Variants in CCDC25 observed in about 807,000 individuals in gnomAD.
CCDC25 encodes the protein coiled-coil domain-containing protein 25.
A neutral mutation model predicts 35.3 loss-of-function variants in CCDC25; 16 were observed. The ratio of observed to expected loss-of-function variants is 0.45; its 90% confidence interval spans 0.31 to 0.69. CCDC25 has a LOEUF of 0.69. Ranked by LOEUF, CCDC25 falls within the 30% of genes least tolerant of loss-of-function variation. CCDC25 has a pLI of 0.06. For missense variants in CCDC25, 179 were observed against 250.7 expected, an observed-to-expected ratio of 0.71 and a Z score of 1.93; for synonymous variants, 79 against 80.3, an observed-to-expected ratio of 0.98 and a Z score of 0.09.
In CCDC25 at chr8:27,737,668, G is replaced by A. The variant is rs1803281987; in HGVS notation, c.598-1423C>T. Among the ~76,000 whole-genome samples the A allele has an allele frequency of 6.6e-6, 1 of 152,128 alleles. No individual in the cohort carries two copies. The highest frequency in any genetic ancestry group is 2.4e-5 in the African/African-American group (1 of 41,422). Reference sequence around the variant, plus strand: ...GTACAGCCACTATGGAAAACAGCAAGGAGATTTCTTAAAGAACTGAAGTAG... The same window carrying A: ...GTACAGCCACTATGGAAAACAGCAAAGAGATTTCTTAAAGAACTGAAGTAG... On this transcript the variant is annotated intron_variant, in intron 8 of 8. Transcript: ENST00000356537. The surrounding 1 kb of genome is among the most constrained non-coding windows in gnomAD (Gnocchi z 4.6).
At chr8:27,743,979 G>C (rs1393792465) in intron 7 of CCDC25, among the ~76,000 whole-genome samples, 1 of 152,164 alleles carries the variant, frequency 6.6e-6, no homozygotes, top group East Asian at 1.9e-4. Flanking sequence ...GCTTAGAAAG[G>C]GGGACTAATT....
chr8:27,750,261 C>T (rs544576985), intron 5 of CCDC25, among the ~76,000 whole-genome samples: 102 of 152,334 alleles, frequency 6.7e-4, no homozygotes, highest in African/African-American at 2.1e-3. Context: ...TCAGGGGTTA[C>T]GGCAGAACAC....
rs1333382563 is a variant in CCDC25 at position 27,762,423 on chromosome 8, T to C, written c.112A>G (p.Ile38Val). ...DLIKHGWPED[I>V]WFHVDKLSSA... ...AGAACCAAAATTGTTACTTACCAGATATCTTCAGGCCAGCCATGCTTGATC... is the reference window on the plus strand; with the variant it reads ...AGAACCAAAATTGTTACTTACCAGACATCTTCAGGCCAGCCATGCTTGATC... Residue 38 changes from isoleucine to valine, a missense_variant, in exon 3 of 9, where the codon ATC becomes GTC. Coordinates refer to ENST00000356537, the MANE Select transcript of CCDC25 (RefSeq NM_018246.3). 2.5e-6 allele frequency: 4 copies of C among 1,613,364 alleles called. No homozygotes were observed. Among genetic ancestry groups the C allele is most frequent in the Admixed American group, 1.7e-5 (1 of 59,952 alleles).
chr8:27,759,351 C>T (rs766806087), intron 3 of CCDC25, among the ~76,000 whole-genome samples: 31 of 152,010 alleles, frequency 2.0e-4, no homozygotes, highest in Non-Finnish European at 4.0e-4. Flanking sequence ...TCATGCCTGT[C>T]GTGCCAGCAC....
At chr8:27,760,492 T>A (rs1804188091) in intron 3 of CCDC25, among the ~76,000 whole-genome samples, 1 of 152,210 alleles carries the variant, frequency 6.6e-6, no homozygotes, top group Non-Finnish European at 1.5e-5. Context: ...ATAACCATGA[T>A]GTGGCCATTG....
Position 27,740,723 on chromosome 8 carries a change from T to C in CCDC25, c.552-206A>G, listed in dbSNP as rs537106181. On this transcript the variant is annotated intron_variant, in intron 7 of 8. Coordinates refer to ENST00000356537, the MANE Select transcript of CCDC25 (RefSeq NM_018246.3). ...AATAAAAAAGATGTGCACAGCACTTTATAATTTACAAAGTGCTTTCTCCTA... is the reference window on the plus strand; with the variant it reads ...AATAAAAAAGATGTGCACAGCACTTCATAATTTACAAAGTGCTTTCTCCTA... 3.3e-5 allele frequency among the ~76,000 whole-genome samples: 5 copies of C among 152,352 alleles called. No homozygotes were observed. The South Asian group carries it at 6.2e-4, about 19-fold the overall frequency.
chr8:27,759,779 C>CAAAAAAAA (rs77051762), intron 3 of CCDC25, among the ~76,000 whole-genome samples: 3 of 91,276 alleles, frequency 3.3e-5, no homozygotes, highest in Non-Finnish European at 6.1e-5. Flanking sequence ...GACTCTGTCT[C>CAAAAAAAA]AAAAAAAAAA....
chr8:27,758,993 C>T (rs1351785976), intron 3 of CCDC25, among the ~76,000 whole-genome samples: 1 of 152,080 alleles, frequency 6.6e-6, no homozygotes, highest in East Asian at 1.9e-4. Flanking sequence ...AAAAAAAAAT[C>T]CAGCTCTATA....
At chr8:27,764,828 C>G (rs35951849) in intron 2 of CCDC25, among the ~76,000 whole-genome samples, 1 of 151,938 alleles carries the variant, frequency 6.6e-6, no homozygotes, top group Non-Finnish European at 1.5e-5. Context: ...ATTTACTATT[C>G]ATGTTACTTC....
intron 7 of CCDC25, among the ~76,000 whole-genome samples, chr8:27,742,721 G>C (rs1803480714): frequency 1.3e-5 from 2 of 152,124 alleles, no homozygotes; most frequent in African/African-American, 2.4e-5. Context: ...ACAAAAATTA[G>C]CCAGGCGTGG....
chr8:27,756,846 T>C, intron 3 of CCDC25, 76 bp from the exon 4 acceptor site: 1 of 1,062,198 alleles, frequency 9.4e-7, no homozygotes, highest in Non-Finnish European at 1.5e-6. Flanking sequence ...ATTTAAAGCA[T>C]TCTGTTCTAA....
intron 4 of CCDC25, chr8:27,754,789 T>C (rs72500170): frequency 6.6e-6 from 1 of 152,270 alleles, no homozygotes; most frequent in African/African-American, 2.4e-5. Flanking sequence ...ATGTTTTGAT[T>C]GGAAATGGTT....
chr8:27,759,226 C>T (rs1261774044), intron 3 of CCDC25, among the ~76,000 whole-genome samples: 4 of 152,286 alleles, frequency 2.6e-5, no homozygotes, highest in Admixed American at 1.3e-4. Context: ...GGCTGTCCAA[C>T]GACTTAAAGC....
intron 3 of CCDC25, 64 bp from the exon 4 acceptor site, chr8:27,756,834 C>A (rs1007876808): frequency 9.0e-6 from 10 of 1,105,976 alleles, no homozygotes; most frequent in African/African-American, 3.1e-5. Flanking sequence ...AGGCCACATG[C>A]CATTTAAAGC....
chr8:27,771,953 T>C (rs1178691515), intron 1 of CCDC25: 2 of 152,852 alleles, frequency 1.3e-5, no homozygotes, highest in African/African-American at 2.4e-5. Context: ...AGCATTACCA[T>C]AGGTCACTTC....
chr8:27,758,603 T>A (rs943333124), intron 3 of CCDC25, among the ~76,000 whole-genome samples: 3 of 152,200 alleles, frequency 2.0e-5, no homozygotes, highest in African/African-American at 4.8e-5. Flanking sequence ...AAATTACATA[T>A]CTCATTATCC....
intron 3 of CCDC25, among the ~76,000 whole-genome samples, chr8:27,758,981 GA>G (rs572377846): frequency 4.7e-5 from 7 of 149,110 alleles, no homozygotes; most frequent in Admixed American, 1.3e-4. Flanking sequence ...AAGTATAAGA[GA>G]AAAAAAAAAT....
rs1214192856 is a variant in CCDC25 at position 27,748,589 on chromosome 8, A to T, written c.254T>A (p.Met85Lys). The T allele has an allele frequency of 1.9e-6, 3 of 1,613,142 alleles. No homozygotes were observed. Among genetic ancestry groups the T allele is most frequent in the East Asian group, 4.5e-5 (2 of 44,884 alleles). ...VKANSIQGCK[M>K]NNVNVVYTPW... Reference sequence around the variant, plus strand: ...CGTATATACCACATTAACGTTGTTCATCTTGCAGCCTGCCAAGAGAGACTG... The same window carrying T: ...CGTATATACCACATTAACGTTGTTCTTCTTGCAGCCTGCCAAGAGAGACTG... The change falls in exon 6 of 9, where the codon ATG becomes AAG. Residue 85 changes from methionine to lysine, a missense_variant. Physicochemically the swap from Met to Lys is moderately conservative, Grantham distance 95 (BLOSUM62 -1). Coordinates refer to ENST00000356537, the MANE Select transcript of CCDC25 (RefSeq NM_018246.3).
At chr8:27,769,926 G>A (rs1012520462) in intron 1 of CCDC25, among the ~76,000 whole-genome samples, 1 of 152,224 alleles carries the variant, frequency 6.6e-6, no homozygotes, top group Non-Finnish European at 1.5e-5. Context: ...TGGATCACTT[G>A]AGGTAAGGAG....
Sources: allele counts gnomAD v4.1 joint callset (sites outside exome capture counted in the v4.1 genomes callset), GRCh38; gene constraint gnomAD v4.1.1; non-coding constraint Gnocchi (gnomAD v3.1); transcripts MANE v1.5; gene names NCBI Gene and HGNC (gene_info 2026-07-23, HGNC 2026-07-21).